Variants in GALNT11 observed in about 807,000 individuals in gnomAD.
The protein encoded by GALNT11 is polypeptide N-acetylgalactosaminyltransferase 11.
GALNT11 carries 47 observed loss-of-function variants against 72.7 expected under a neutral mutation model. The ratio of observed to expected loss-of-function variants is 0.65; its 90% CI spans 0.51 to 0.82. GALNT11 has a LOEUF of 0.82. Ranked by LOEUF, GALNT11 falls within the 40% of genes least tolerant of loss-of-function variation. The pLI, the probability that GALNT11 is intolerant of heterozygous loss-of-function variation, is 0.00. For synonymous variants in GALNT11, 270 were observed against 286.6 expected, an observed-to-expected ratio of 0.94 and a Z score of 0.58; for missense variants, 677 against 778.4, an observed-to-expected ratio of 0.87 and a Z score of 1.55.
At chr7:152,056,930 C>G (rs1385024025) in intron 1 of GALNT11, among the ~76,000 whole-genome samples, 1 of 151,800 alleles carries the variant, frequency 6.6e-6, no homozygotes, top group Non-Finnish European at 1.5e-5. Context: ...CTTGACCTCC[C>G]CAGGCTCAAG....
At chr7:152,029,229 A>G (rs995025488) in intron 1 of GALNT11, among the ~76,000 whole-genome samples, 5 of 152,318 alleles carry the variant, frequency 3.3e-5, no homozygotes, top group South Asian at 2.1e-4. Flanking sequence ...CAAAGAGTCT[A>G]TTTGGAATTG....
intron 1 of GALNT11, among the ~76,000 whole-genome samples, chr7:152,085,270 G>A (rs534734715): frequency 1.3e-5 from 2 of 152,154 alleles, no homozygotes; most frequent in African/African-American, 4.8e-5. Context: ...GAAGAAAAAC[G>A]TAAAACCATA....
chr7:152,043,428 T>C (rs2082965520), intron 1 of GALNT11, among the ~76,000 whole-genome samples: 2 of 152,254 alleles, frequency 1.3e-5, no homozygotes, highest in Admixed American at 1.3e-4. Context: ...GGGAATGGCC[T>C]GAGCCAGAAA....
Position 152,113,261 on chromosome 7 carries a change from G to GGT in GALNT11, c.1097_1098dup (p.Lys367ValfsTer11). On this transcript the variant is annotated frameshift_variant, in exon 8 of 12. Coordinates refer to ENST00000430044, the MANE Select transcript of GALNT11 (RefSeq NM_022087.4). LOFTEE classifies it high-confidence loss of function. ...TTCTGGCCAGATCTGGATGTGTGGC[G>GGT]GTAAGCTCTTCATCATCCCTTGCTC... is the stretch of plus-strand genomic sequence containing the variant. 1 of 1,612,942 alleles carries GGT rather than the reference G, an allele frequency of 6.2e-7. No individual in the cohort carries two copies. The highest frequency in any genetic ancestry group is 8.5e-7 in the Non-Finnish European group (1 of 1,179,500).
chr7:152,045,871 A>T (rs184604491), intron 1 of GALNT11, among the ~76,000 whole-genome samples: 1 of 151,752 alleles, frequency 6.6e-6, no homozygotes, highest in African/African-American at 2.4e-5. Flanking sequence ...CATCTTTAAG[A>T]TGCATAATTA....
chr7:152,100,009 G>C (rs1040872869), intron 2 of GALNT11, among the ~76,000 whole-genome samples: 2 of 147,984 alleles, frequency 1.4e-5, no homozygotes, highest in African/African-American at 5.0e-5. Flanking sequence ...CCCAGGCTGG[G>C]CTCAAGCAGT....
chr7:152,105,230 G>C lies in GALNT11; in HGVS notation c.587-15G>C. ...GTCTCATACAGTTTGAATAATTGTG[G>C]GACTTTATTTTCAGATGATTTGAAA... is the stretch of plus-strand genomic sequence containing the variant. On this transcript the variant is annotated splice_polypyrimidine_tract_variant and intron_variant, in intron 4 of 11. Coordinates refer to ENST00000430044, the MANE Select transcript of GALNT11 (RefSeq NM_022087.4). 6.2e-7 allele frequency: 1 copy of C among 1,610,564 alleles called. No individual in the cohort carries two copies. Among genetic ancestry groups the C allele is most frequent in the Non-Finnish European group, 8.5e-7 (1 of 1,178,610 alleles).
chr7:152,088,287 C>G (rs774444617), intron 1 of GALNT11, among the ~76,000 whole-genome samples: 9 of 152,214 alleles, frequency 5.9e-5, no homozygotes, highest in East Asian at 3.9e-4. Context: ...TTTAGAGATG[C>G]TCTTTGTCAG....
At chr7:152,047,644 C>T (rs2083197777) in intron 1 of GALNT11, among the ~76,000 whole-genome samples, 2 of 151,912 alleles carry the variant, frequency 1.3e-5, no homozygotes, top group Admixed American at 1.3e-4. Flanking sequence ...CTGCAGTGAG[C>T]TGTGATTGCA....
chr7:152,039,916 AG>A (rs1451305108), intron 1 of GALNT11, among the ~76,000 whole-genome samples: 1 of 152,106 alleles, frequency 6.6e-6, no homozygotes, highest in African/African-American at 2.4e-5. Flanking sequence ...TCTGGCCTTT[AG>A]GCAGGCTCAA....
chr7:152,096,608 G>A (rs573598467), intron 2 of GALNT11, among the ~76,000 whole-genome samples: 4 of 151,790 alleles, frequency 2.6e-5, no homozygotes, highest in South Asian at 2.1e-4. Flanking sequence ...CCAGCTACTC[G>A]GGAGGTTGAG....
intron 1 of GALNT11, among the ~76,000 whole-genome samples, chr7:152,066,646 C>T (rs1349900473): frequency 6.6e-6 from 1 of 152,150 alleles, no homozygotes; most frequent in Non-Finnish European, 1.5e-5. Flanking sequence ...TTCCCTTGAA[C>T]ACTTATAAGC....
Position 152,108,215 on chromosome 7 carries a change from G to C in GALNT11, c.890G>C (p.Gly297Ala), listed in dbSNP as rs751387828. The change falls in exon 6 of 12, where the codon GGA (glycine) becomes GCA (alanine). Residue 297 changes from glycine (G) to alanine (A), a missense_variant. Transcript: ENST00000430044. ...SPVVRGGFNW[G>A]LHFKWDLVPL... ...GTCGTCCGCGGAGGGTTCAACTGGG[G>C]ACTGCACTTCAAATGGGATCTTGTC... is the stretch of plus-strand genomic sequence containing the variant. 9 of 1,614,064 alleles carry C rather than the reference G, an allele frequency of 5.6e-6. No homozygotes were observed. Among genetic ancestry groups the C allele is most frequent in the South Asian group, 5.5e-5 (5 of 91,078 alleles).
At chr7:152,117,623 C>T (rs185149187) in intron 9 of GALNT11, 11 of 533,770 alleles carry the variant, frequency 2.1e-5, no homozygotes, top group African/African-American at 5.7e-5. Context: ...TTTCCAAGAG[C>T]GCAGAGGCAT....
In GALNT11 at chr7:152,118,662, G is replaced by C. The variant is rs377415455; in HGVS notation, c.1453-16G>C. 472 of 1,606,350 alleles carry C rather than the reference G, an allele frequency of 2.9e-4. No homozygotes were observed. Among genetic ancestry groups the C allele is most frequent in the Non-Finnish European group, 2.2e-4 (255 of 1,176,826 alleles). On this transcript the variant is annotated splice_polypyrimidine_tract_variant and intron_variant, in intron 9 of 11. Transcript: ENST00000430044. ...GGGATTGTTTCCCACATTCTGAGCT[G>C]TGCCTTCTCTTACAGCTCTATCACC... is the stretch of plus-strand genomic sequence containing the variant.
At chr7:152,078,759 T>C (rs1160507416) in intron 1 of GALNT11, among the ~76,000 whole-genome samples, 1 of 152,214 alleles carries the variant, frequency 6.6e-6, no homozygotes, top group African/African-American at 2.4e-5. Flanking sequence ...TTTAATCACA[T>C]TTACAAAATA....
At chr7:152,071,040 C>T (rs1363346509) in intron 1 of GALNT11, among the ~76,000 whole-genome samples, 1 of 152,130 alleles carries the variant, frequency 6.6e-6, no homozygotes, top group Non-Finnish European at 1.5e-5. Context: ...TAGAATATCA[C>T]AAGGCAAGTG....
chr7:152,061,960 T>C (rs979115457), intron 1 of GALNT11, among the ~76,000 whole-genome samples: 1 of 152,242 alleles, frequency 6.6e-6, no homozygotes, highest in Non-Finnish European at 1.5e-5. Context: ...CAATGTGGGC[T>C]CTTTTTTGGT....
intron 10 of GALNT11, 178 bp downstream of exon 10, chr7:152,118,960 T>G (rs767593720): frequency 1.6e-5 from 7 of 439,676 alleles, no homozygotes; most frequent in Non-Finnish European, 2.7e-5. Flanking sequence ...TATATCCTAG[T>G]GCTCAAGGTC....
Sources: gnomAD v4.1 joint callset for allele counts (sites outside exome capture counted in the v4.1 genomes callset) on GRCh38, gnomAD v4.1.1 for gene constraint, MANE v1.5 for transcripts, NCBI Gene and HGNC (gene_info 2026-07-23, HGNC 2026-07-21) for gene names.